KCNK13: variants seen among roughly 807,000 people sequenced by gnomAD.
KCNK13 encodes potassium two pore domain channel subfamily K member 13, also known as potassium channel subfamily K member 13.
Under a neutral mutation model 23.4 loss-of-function variants are expected in KCNK13, and 12 were observed. The ratio of observed to expected loss-of-function variants is 0.51; its 90% confidence interval spans 0.33 to 0.83. The LOEUF (loss-of-function observed/expected upper bound fraction) is 0.83. Ranked by LOEUF, KCNK13 falls within the 40% of genes least tolerant of loss-of-function variation. The pLI is 0.02. For missense variants in KCNK13, 463 were observed against 556.3 expected (o/e 0.83, Z 1.69); for synonymous variants, 231 against 229.5 (o/e 1.01, Z -0.06).
intron 1 of KCNK13, among the ~76,000 whole-genome samples, chr14:90,181,833 G>A (rs763761277): frequency 6.6e-5 from 10 of 152,010 alleles, no homozygotes; most frequent in South Asian, 2.1e-4. Flanking sequence ...GACTTCATCC[G>A]GCTTCTAGAA....
At chr14:90,139,399 A>G (rs961656351) in intron 1 of KCNK13, among the ~76,000 whole-genome samples, 2 of 152,126 alleles carry the variant, frequency 1.3e-5, no homozygotes, top group East Asian at 1.9e-4. Flanking sequence ...GTGGGCCAGC[A>G]TAGCTAAGGC....
At chr14:90,078,757 C>G (rs1889173548) in intron 1 of KCNK13, among the ~76,000 whole-genome samples, 1 of 152,140 alleles carries the variant, frequency 6.6e-6, no homozygotes, top group Admixed American at 6.6e-5. Context: ...ATCATCACTC[C>G]TTCAATTAAG....
At position 90,062,295 on chromosome 14, in the gene KCNK13, C is replaced by T. The variant is rs752499120; in HGVS notation, c.90C>T (p.Tyr30=). 4 of 1,564,022 alleles carry T rather than the reference C, an allele frequency of 2.6e-6. No individual in the cohort carries two copies. Among genetic ancestry groups the T allele is most frequent in the Non-Finnish European group, 3.4e-6 (4 of 1,163,512 alleles). ...FLLLAALIVL[Y]LLGGAAVFSA... Reference sequence around the variant, plus strand: ...TGCTGGCCGCGCTCATCGTGCTCTACCTGCTGGGCGGCGCCGCCGTCTTCT... The same window carrying T: ...TGCTGGCCGCGCTCATCGTGCTCTATCTGCTGGGCGGCGCCGCCGTCTTCT... The change falls in exon 1 of 2, where the codon TAC becomes TAT. Residue 30 remains tyrosine, a synonymous_variant. Transcript: ENST00000282146. This position sits in a 1 kb window ranked among gnomAD's most constrained non-coding sequence, Gnocchi z 4.5.
At chr14:90,148,847 C>T (rs1030659850) in intron 1 of KCNK13, among the ~76,000 whole-genome samples, 7 of 152,234 alleles carry the variant, frequency 4.6e-5, no homozygotes, top group African/African-American at 1.7e-4. Flanking sequence ...TAACAACACA[C>T]TGTTCTTGCT....
At position 90,092,427 on chromosome 14, in the gene KCNK13, G is replaced by A. The variant is rs1198163122; in HGVS notation, c.334+29888G>A. Among the ~76,000 whole-genome samples, 3 of 152,148 alleles carry A rather than the reference G, an allele frequency of 2.0e-5. No individual in the cohort carries two copies. In the East Asian group the frequency reaches 5.8e-4, roughly 29 times the overall value. On this transcript the variant is annotated intron_variant, in intron 1 of 1. Coordinates refer to ENST00000282146, the MANE Select transcript of KCNK13 (RefSeq NM_022054.4). ...TTGTCATGGGGAAAATGTAGGTTAT[G>A]AAACACAGATGCAGTAAGGGCACAC...
At chr14:90,071,864 C>T (rs1359538794) in intron 1 of KCNK13, among the ~76,000 whole-genome samples, 1 of 151,614 alleles carries the variant, frequency 6.6e-6, no homozygotes, top group Non-Finnish European at 1.5e-5. Flanking sequence ...CACCACTGCA[C>T]TCCAGCCTGG....
At chr14:90,183,626 G>A (rs1211593058) in intron 1 of KCNK13, among the ~76,000 whole-genome samples, 1 of 152,182 alleles carries the variant, frequency 6.6e-6, no homozygotes, top group Non-Finnish European at 1.5e-5. Context: ...GACCAGAACT[G>A]TCTTTTCCAC....
intron 1 of KCNK13, among the ~76,000 whole-genome samples, chr14:90,176,359 A>G (rs1024657111): frequency 6.6e-6 from 1 of 152,102 alleles, no homozygotes; most frequent in Non-Finnish European, 1.5e-5. Context: ...CAATGGGCCC[A>G]GTGAGGACCC....
chr14:90,158,693 C>A (rs1286344125), intron 1 of KCNK13, among the ~76,000 whole-genome samples: 2 of 152,234 alleles, frequency 1.3e-5, no homozygotes, highest in Non-Finnish European at 2.9e-5. Flanking sequence ...TCCTCCCTTC[C>A]TGCCTGCCTG....
chr14:90,155,823 G>A (rs937542025), intron 1 of KCNK13, among the ~76,000 whole-genome samples: 11 of 152,166 alleles, frequency 7.2e-5, no homozygotes, highest in Admixed American at 2.6e-4. Context: ...TTGAGAATCA[G>A]TATTACATAG....
At chr14:90,092,070 C>A (rs920903849) in intron 1 of KCNK13, among the ~76,000 whole-genome samples, 1 of 151,640 alleles carries the variant, frequency 6.6e-6, no homozygotes, top group African/African-American at 2.4e-5. Flanking sequence ...TACAGGTGCC[C>A]GCCACCACAC....
chr14:90,121,646 C>G (rs188507774), intron 1 of KCNK13, among the ~76,000 whole-genome samples: 1 of 152,302 alleles, frequency 6.6e-6, no homozygotes, highest in Non-Finnish European at 1.5e-5. Flanking sequence ...GGAAATCACT[C>G]ATCGCCCACT....
intron 1 of KCNK13, among the ~76,000 whole-genome samples, chr14:90,133,347 GA>G (rs1335355652): frequency 6.6e-6 from 1 of 152,140 alleles, no homozygotes; most frequent in Non-Finnish European, 1.5e-5. Flanking sequence ...TCTAGAGACA[GA>G]AGGTAGATTA....
At position 90,185,171 on chromosome 14, in the gene KCNK13, T is replaced by C. The variant is rs1890537201; in HGVS notation, c.*168T>C. 7.1e-6 allele frequency: 4 copies of C among 562,136 alleles called. No homozygotes were observed. Among genetic ancestry groups the C allele is most frequent in the East Asian group, 2.9e-5 (1 of 34,532 alleles). 34.8% of individuals were successfully genotyped at this position (562,136 alleles called of 1,614,324 possible). A position where few individuals can be genotyped will look rare whatever the true frequency, so the allele number is the denominator to read the frequency against. On this transcript the variant is annotated 3_prime_UTR_variant, in exon 2 of 2. Coordinates refer to ENST00000282146, the MANE Select transcript of KCNK13 (RefSeq NM_022054.4). ...ATCTCGGCTCCAACCAACAGCCACC[T>C]TCCAGGGATGGGGGGCCTGAAGCCT...
chr14:90,126,910 A>G (rs1023157473), intron 1 of KCNK13, among the ~76,000 whole-genome samples: 2 of 152,190 alleles, frequency 1.3e-5, no homozygotes, highest in Non-Finnish European at 2.9e-5. Flanking sequence ...ATACCTAACC[A>G]GTACATCAAG....
At chr14:90,148,373 G>T (rs1890097670) in intron 1 of KCNK13, among the ~76,000 whole-genome samples, 1 of 152,198 alleles carries the variant, frequency 6.6e-6, no homozygotes, top group Admixed American at 6.5e-5. Flanking sequence ...TCCTCTCCCT[G>T]CCTTCAAGGG....
intron 1 of KCNK13, among the ~76,000 whole-genome samples, chr14:90,132,694 T>C (rs976933714): frequency 6.6e-6 from 1 of 152,160 alleles, no homozygotes; most frequent in Non-Finnish European, 1.5e-5. Flanking sequence ...GGTTGTACAA[T>C]GTGAATGTAC....
At chr14:90,106,607 T>G (rs915499480) in intron 1 of KCNK13, among the ~76,000 whole-genome samples, 1 of 152,078 alleles carries the variant, frequency 6.6e-6, no homozygotes, top group Non-Finnish European at 1.5e-5. Flanking sequence ...TATCATGAAA[T>G]TTTATAAATA....
chr14:90,130,234 C>G (rs12880550), intron 1 of KCNK13, among the ~76,000 whole-genome samples: 43,725 of 150,938 alleles, frequency 0.29, 6,976 homozygotes, highest in Non-Finnish European at 0.37. Context: ...GGGTTTCACT[C>G]TCTCGCCCAG....
Sources: gnomAD v4.1 joint callset for allele counts (sites outside exome capture counted in the v4.1 genomes callset) on GRCh38, gnomAD v4.1.1 for gene constraint, Gnocchi (gnomAD v3.1) non-coding constraint, MANE v1.5 for transcripts, NCBI Gene and HGNC (gene_info 2026-07-23, HGNC 2026-07-21) for gene names.